The following C13orf42 variants were observed in gnomAD, a reference collection of about 807,000 sequenced individuals.
C13orf42 encodes uncharacterized protein C13orf42.
intron 1 of C13orf42, among the ~76,000 whole-genome samples, chr13:51,137,557 T>C (rs1361025453): frequency 6.6e-6 from 1 of 152,204 alleles, no homozygotes; most frequent in Non-Finnish European, 1.5e-5. Context: ...TCCGTCCTTT[T>C]GTCTCCCACT....
intron 1 of C13orf42, among the ~76,000 whole-genome samples, chr13:51,093,358 C>G (rs943126745): frequency 6.6e-6 from 1 of 152,164 alleles, no homozygotes; most frequent in Non-Finnish European, 1.5e-5. Context: ...TCCAGTAGGA[C>G]TTTCTGTAGT....
intron 1 of C13orf42, among the ~76,000 whole-genome samples, chr13:51,133,911 A>G (rs1309993418): frequency 6.6e-6 from 1 of 152,176 alleles, no homozygotes; most frequent in Admixed American, 6.5e-5. Flanking sequence ...TATCTTGAGG[A>G]CAGGGGACAA....
chr13:51,111,570 C>T (rs76969223), upstream of C13orf42, among the ~76,000 whole-genome samples: 5,767 of 152,258 alleles, frequency 0.038, 190 homozygotes, highest in Middle Eastern at 0.061. Flanking sequence ...GCTTTGCCTG[C>T]TCAGTTATTT....
intron 1 of C13orf42, 146 bp downstream of exon 1, chr13:51,110,650 G>A (rs1953417844): frequency 1.0e-5 from 4 of 395,056 alleles, no homozygotes; most frequent in South Asian, 1.4e-4. Context: ...GGATATGGCC[G>A]CATAAAGCAT....
chr13:51,154,924 T>C (rs1953813611), intron 1 of C13orf42, among the ~76,000 whole-genome samples: 1 of 152,142 alleles, frequency 6.6e-6, no homozygotes, highest in Non-Finnish European at 1.5e-5. Flanking sequence ...CTGTCCTGCT[T>C]TTAAGGGGCC....
At chr13:51,142,327 A>C (rs993534527) in intron 1 of C13orf42, among the ~76,000 whole-genome samples, 1 of 152,270 alleles carries the variant, frequency 6.6e-6, no homozygotes, top group Non-Finnish European at 1.5e-5. Context: ...GTTATGAGAA[A>C]GATGAAGCCA....
chr13:51,165,233 G>A (rs561489505), intron 1 of C13orf42, among the ~76,000 whole-genome samples: 2 of 152,294 alleles, frequency 1.3e-5, no homozygotes, highest in Admixed American at 1.3e-4. Flanking sequence ...TGTATCAAAA[G>A]CTATAGCTCC....
At chr13:51,110,163 C>A (rs571476928) in intron 1 of C13orf42, among the ~76,000 whole-genome samples, 1 of 152,286 alleles carries the variant, frequency 6.6e-6, no homozygotes, top group East Asian at 1.9e-4. Context: ...TGGGGCTAAG[C>A]ACCTCAATAT....
chr13:51,142,094 T>A (rs1468138349), intron 1 of C13orf42, among the ~76,000 whole-genome samples: 1 of 152,230 alleles, frequency 6.6e-6, no homozygotes, highest in Non-Finnish European at 1.5e-5. Context: ...ATTTAATAAA[T>A]AAGACATTGA....
chr13:51,108,295 G>A lies in C13orf42; in HGVS notation c.414+2501C>T, dbSNP rs904397146. The stretch of plus-strand genomic sequence containing the variant: ...GACTTCCACATATACATTTTGAGGA[G>A]ATACAGTTCAACTCATAGTAGGTAG... On this transcript the variant is annotated intron_variant, in intron 1 of 3. Transcript: ENST00000563710. 3.9e-5 allele frequency among the ~76,000 whole-genome samples: 6 copies of A among 152,352 alleles called. No homozygotes were observed. In the East Asian group the frequency reaches 1.2e-3, roughly 29 times the overall value.
chr13:51,132,591 T>C (rs1953626028), intron 1 of C13orf42, among the ~76,000 whole-genome samples: 1 of 152,094 alleles, frequency 6.6e-6, no homozygotes, highest in Non-Finnish European at 1.5e-5. Flanking sequence ...CACAAGAGAC[T>C]TGGGAATATC....
chr13:51,091,790 G>T (rs1382776716), intron 1 of C13orf42, among the ~76,000 whole-genome samples: 1 of 152,118 alleles, frequency 6.6e-6, no homozygotes, highest in South Asian at 2.1e-4. Flanking sequence ...CTCAAATCCT[G>T]GTTATACTCC....
chr13:51,151,977 G>A (rs532342956), intron 1 of C13orf42, among the ~76,000 whole-genome samples: 1 of 152,310 alleles, frequency 6.6e-6, no homozygotes, highest in East Asian at 1.9e-4. Flanking sequence ...TGTTAGAAAT[G>A]CAGAATCTCT....
intron 1 of C13orf42, among the ~76,000 whole-genome samples, chr13:51,138,112 G>C (rs1375917934): frequency 3.9e-5 from 6 of 152,140 alleles, no homozygotes; most frequent in Non-Finnish European, 8.8e-5. Flanking sequence ...TGAGCTGAGG[G>C]CAGGCCCTGG....
rs1452275080 is a variant in C13orf42, at chr13:51,153,638, T to C, written n.136+18615A>G. Among the ~76,000 whole-genome samples the C allele has an allele frequency of 1.8e-4, 24 of 132,328 alleles. No homozygotes were observed. In the East Asian group the frequency reaches 2.2e-3, roughly 12 times the overall value. The allele number at this position is 132,328 out of a possible 152,430, so 86.8% of individuals were successfully genotyped here. Reference sequence around the variant, plus strand: ...TGCTTTCTGTTTTTTTTCTTTTTTTTTTTTTTTTTTTTTTTTTTGGAGACA... The same window carrying C: ...TGCTTTCTGTTTTTTTTCTTTTTTTCTTTTTTTTTTTTTTTTTTGGAGACA... On this transcript the variant is annotated intron_variant and non_coding_transcript_variant, in intron 1 of 4. Transcript: ENST00000433280.
At chr13:51,087,544 A>G (rs1343201377) in intron 2 of C13orf42, among the ~76,000 whole-genome samples, 5 of 152,158 alleles carry the variant, frequency 3.3e-5, no homozygotes, top group Non-Finnish European at 7.4e-5. Context: ...CTGAAAGTGT[A>G]CCCTTTAAAT....
intron 1 of C13orf42, among the ~76,000 whole-genome samples, chr13:51,117,102 G>T (rs956496540): frequency 6.6e-6 from 1 of 152,240 alleles, no homozygotes; most frequent in Non-Finnish European, 1.5e-5. Flanking sequence ...ATAGTAGACT[G>T]CCACATTTCC....
At chr13:51,120,971 G>A (rs1377200082) in intron 1 of C13orf42, among the ~76,000 whole-genome samples, 2 of 152,120 alleles carry the variant, frequency 1.3e-5, no homozygotes, top group East Asian at 1.9e-4. Flanking sequence ...CTGAGATCAC[G>A]CCACTGCACT....
chr13:51,088,193 A>G (rs1953150108), intron 1 of C13orf42, 118 bp from the exon 2 acceptor site: 2 of 395,124 alleles, frequency 5.1e-6, no homozygotes, highest in African/African-American at 2.1e-5. Flanking sequence ...GTGAGGTTTC[A>G]AAGGTAACTA....
Sources: allele counts gnomAD v4.1 joint callset (sites outside exome capture counted in the v4.1 genomes callset), GRCh38; gene constraint gnomAD v4.1.1; transcripts MANE v1.5; gene names NCBI Gene and HGNC (gene_info 2026-07-23, HGNC 2026-07-21).